The following SLC2A13 variants were observed in gnomAD, a reference collection of about 807,000 sequenced individuals.
SLC2A13 encodes the protein proton myo-inositol cotransporter.
In SLC2A13, 32 loss-of-function variants were observed where a neutral mutation model predicts 64.4. The observed-to-expected ratio is 0.50, with a 90% CI of 0.37 to 0.67. SLC2A13 has a LOEUF of 0.67. Ranked by LOEUF, SLC2A13 falls within the 30% of genes least tolerant of loss-of-function variation. The pLI, the probability that SLC2A13 is intolerant of heterozygous loss-of-function variation, is 0.00. For synonymous variants in SLC2A13, 338 were observed against 327.1 expected (o/e 1.03, Z -0.36); for missense variants, 743 against 829.2 (o/e 0.90, Z 1.28).
At chr12:40,051,023 C>T (rs532808850) in intron 1 of SLC2A13, among the ~76,000 whole-genome samples, 1 of 152,274 alleles carries the variant, frequency 6.6e-6, no homozygotes, top group East Asian at 1.9e-4. Flanking sequence ...AGTTATGAGG[C>T]ATCCCAATTC....
At chr12:39,837,770 G>A (rs1252487030) in intron 6 of SLC2A13, among the ~76,000 whole-genome samples, 1 of 152,160 alleles carries the variant, frequency 6.6e-6, no homozygotes, top group Non-Finnish European at 1.5e-5. Flanking sequence ...TCAGAGAAAT[G>A]CAAATCAAAA....
At chr12:40,088,176 G>A (rs28365174) in intron 1 of SLC2A13, among the ~76,000 whole-genome samples, 1 of 152,148 alleles carries the variant, frequency 6.6e-6, no homozygotes, top group African/African-American at 2.4e-5. Flanking sequence ...AAGCTCAAAA[G>A]GGGGACAGGT....
Position 39,871,794 on chromosome 12 carries a change from C to T in SLC2A13, c.1198+4G>A. 6.3e-7 allele frequency: 1 copy of T among 1,591,270 alleles called. No homozygotes were observed. Among genetic ancestry groups the T allele is most frequent in the South Asian group, 1.2e-5 (1 of 86,466 alleles). ...ATAATTGAATTCTTTATCCAGCCAC[C>T]TACCTGCTAAACTACCAAAGGTAAG... On this transcript the variant is annotated splice_donor_region_variant and intron_variant, in intron 5 of 9. Coordinates refer to ENST00000280871, the MANE Select transcript of SLC2A13 (RefSeq NM_052885.4).
intron 6 of SLC2A13, among the ~76,000 whole-genome samples, chr12:39,848,883 G>C (rs1270458905): frequency 4.6e-5 from 7 of 152,152 alleles, no homozygotes; most frequent in Non-Finnish European, 1.0e-4. Flanking sequence ...AACATGGATG[G>C]AGCTGGAGGC....
chr12:39,772,239 T>A (rs1240059513), intron 7 of SLC2A13, among the ~76,000 whole-genome samples: 1 of 152,176 alleles, frequency 6.6e-6, no homozygotes, highest in Admixed American at 6.5e-5. Context: ...CTCAGTTCTC[T>A]CCCTTACCAG....
rs572620110 is a variant in SLC2A13, at chr12:40,061,996, G to A, written c.557-13786C>T. On this transcript the variant is annotated intron_variant, in intron 1 of 9. Transcript: ENST00000280871. The stretch of plus-strand genomic sequence containing the variant: ...TAGAACAGAATAGAAAACCCAGAAT[G>A]AGACACACCCACACATCAGCCCTTG... Among the ~76,000 whole-genome samples the A allele has an allele frequency of 6.6e-5, 10 of 152,050 alleles. No individual in the cohort carries two copies. The South Asian group carries it at 1.9e-3, about 28-fold the overall frequency.
At chr12:39,961,202 C>A (rs1425590173) in intron 3 of SLC2A13, among the ~76,000 whole-genome samples, 2 of 152,040 alleles carry the variant, frequency 1.3e-5, no homozygotes, top group Non-Finnish European at 2.9e-5. Context: ...CTCAGCCTCC[C>A]AACTAGCTGG....
intron 3 of SLC2A13, among the ~76,000 whole-genome samples, chr12:39,959,120 A>T (rs1946365722): frequency 6.6e-6 from 1 of 152,228 alleles, no homozygotes; most frequent in Non-Finnish European, 1.5e-5. Context: ...CAATTTGAGT[A>T]TACTCCAAGT....
chr12:39,914,530 C>T (rs949174964), intron 4 of SLC2A13, among the ~76,000 whole-genome samples: 3 of 151,906 alleles, frequency 2.0e-5, no homozygotes, highest in African/African-American at 7.3e-5. Context: ...AATTAAAAGC[C>T]TAACCTGTTA....
chr12:39,855,890 C>G (rs964052524), intron 6 of SLC2A13, among the ~76,000 whole-genome samples: 1 of 152,148 alleles, frequency 6.6e-6, no homozygotes, highest in Non-Finnish European at 1.5e-5. Flanking sequence ...TAGGAAAACA[C>G]TATCTTATTA....
chr12:40,009,492 T>C lies in SLC2A13; in HGVS notation c.925+18809A>G, dbSNP rs368154576. On this transcript the variant is annotated intron_variant, in intron 3 of 9. Transcript: ENST00000280871. Reference sequence around the variant, plus strand: ...CACCTAGGCTGGAGTACAGTGGCAATGGTCATGGCTCACTACAGCCTTGAC... The same window carrying C: ...CACCTAGGCTGGAGTACAGTGGCAACGGTCATGGCTCACTACAGCCTTGAC... Among the ~76,000 whole-genome samples, 9 of 152,308 alleles carry C rather than the reference T, an allele frequency of 5.9e-5. No homozygotes were observed. In the East Asian group the frequency reaches 9.6e-4, roughly 16 times the overall value.
rs756810666 is a variant in SLC2A13 at position 39,828,426 on chromosome 12, G to C, written c.1445+1677C>G. The stretch of plus-strand genomic sequence containing the variant: ...GTATAAAAATACAAATAAAATGTAA[G>C]AGTGAGTTGTTGAATTAATTTTTCT... On this transcript the variant is annotated intron_variant, in intron 7 of 9. Transcript: ENST00000280871. 2.5e-4 allele frequency among the ~76,000 whole-genome samples: 38 copies of C among 151,950 alleles called. 1 individual carries two copies. The highest frequency in any genetic ancestry group is 4.7e-4 in the Non-Finnish European group (32 of 67,998).
At chr12:39,885,204 G>C (rs898706601) in intron 4 of SLC2A13, among the ~76,000 whole-genome samples, 3 of 152,202 alleles carry the variant, frequency 2.0e-5, no homozygotes, top group Non-Finnish European at 4.4e-5. Context: ...GAGCTAGGAA[G>C]GCCAACAGGA....
chr12:40,097,585 A>G (rs1938994046), intron 1 of SLC2A13, among the ~76,000 whole-genome samples: 1 of 152,216 alleles, frequency 6.6e-6, no homozygotes, highest in African/African-American at 2.4e-5. Context: ...CAATTTTCCA[A>G]AGAAGATATA....
At chr12:40,083,423 C>T (rs977521863) in intron 1 of SLC2A13, among the ~76,000 whole-genome samples, 1 of 152,172 alleles carries the variant, frequency 6.6e-6, no homozygotes, top group Non-Finnish European at 1.5e-5. Flanking sequence ...GCAAGGGAAA[C>T]TACAGAGAAA....
intron 7 of SLC2A13, among the ~76,000 whole-genome samples, chr12:39,826,836 C>A (rs1592176182): frequency 1.1e-5 from 1 of 90,456 alleles, no homozygotes; most frequent in Non-Finnish European, 2.2e-5. Context: ...TCCTTTATTT[C>A]TTTTAAAGTC....
intron 7 of SLC2A13, among the ~76,000 whole-genome samples, chr12:39,782,576 T>C (rs1941032132): frequency 6.6e-6 from 1 of 152,072 alleles, no homozygotes; most frequent in South Asian, 2.1e-4. Flanking sequence ...ATCAGCAGCA[T>C]GAAAATGGAC....
At chr12:39,850,374 C>T (rs1566862788) in intron 6 of SLC2A13, among the ~76,000 whole-genome samples, 2 of 152,108 alleles carry the variant, frequency 1.3e-5, no homozygotes, top group Non-Finnish European at 2.9e-5. Context: ...CTTGTAATTG[C>T]TCTGCAGTTG....
intron 1 of SLC2A13, among the ~76,000 whole-genome samples, chr12:40,061,893 G>A (rs1176879461): frequency 6.6e-6 from 1 of 151,122 alleles, no homozygotes; most frequent in Admixed American, 6.6e-5. Context: ...GAAAAATAAA[G>A]GAGGACTTCT....
Sources: allele counts gnomAD v4.1 joint callset (sites outside exome capture counted in the v4.1 genomes callset), GRCh38; gene constraint gnomAD v4.1.1; transcripts MANE v1.5; gene names NCBI Gene and HGNC (gene_info 2026-07-23, HGNC 2026-07-21).